Variants in TASL observed in about 807,000 individuals in gnomAD.
The protein encoded by TASL is TLR adapter interacting with SLC15A4 on the lysosome.
Under a neutral mutation model 12.9 loss-of-function variants are expected in TASL, and 6 were observed. The observed-to-expected ratio is 0.46, with a 90% CI of 0.25 to 0.92. The LOEUF (loss-of-function observed/expected upper bound fraction) is 0.92, where lower values mean the gene tolerates loss of function less well. TASL is among the 40% of genes least tolerant of loss of function. The pLI is 0.17. For synonymous variants in TASL, 85 were observed against 79.3 expected (o/e 1.07, Z -0.38); for missense variants, 165 against 212.8 (o/e 0.78, Z 1.40).
chrX:30,571,242 A>AAG lies in TASL; in HGVS notation c.-2+5509_-2+5510insCT, dbSNP rs1368147988. Among the ~76,000 whole-genome samples the AAG allele has an allele frequency of 6.6e-3, 518 of 78,731 alleles. 8 individuals carry two copies. Among genetic ancestry groups the AAG allele is most frequent in the Non-Finnish European group, 9.4e-3 (386 of 40,934 alleles). The allele number at this position is 78,731 out of a possible 115,157, so 68.4% of individuals were successfully genotyped here. ...AAGGAAAGAAGGAAGGAAGGAAGGA[A>AAG]AAAGAGAAAGAAAGAGAAAGAAAGA... On this transcript the variant is annotated intron_variant, in intron 2 of 2. Transcript: ENST00000378962.
chrX:30,573,566 A>G (rs1017369767), intron 2 of TASL, among the ~76,000 whole-genome samples: 3 of 111,871 alleles, frequency 2.7e-5, no homozygotes, highest in Non-Finnish European at 3.8e-5. Flanking sequence ...AAACCATGAC[A>G]CTGCTATAGC....
chrX:30,561,342 G>A (rs1039225553), intron 2 of TASL, among the ~76,000 whole-genome samples: 2 of 111,149 alleles, frequency 1.8e-5, no homozygotes, highest in African/African-American at 3.3e-5. Context: ...CCCCACATCT[G>A]CCTCCCCTCC....
chrX:30,567,510 T>G (rs1294462748), intron 2 of TASL, among the ~76,000 whole-genome samples: 1 of 111,705 alleles, frequency 9.0e-6, no homozygotes, highest in Non-Finnish European at 1.9e-5. Context: ...TATGGCAGAA[T>G]ATCATGTATA....
At chrX:30,571,366 C>A (rs1286673098) in intron 2 of TASL, among the ~76,000 whole-genome samples, 12 of 110,132 alleles carry the variant, frequency 1.1e-4, no homozygotes, top group Non-Finnish European at 1.9e-5. Context: ...CGCCTGTAAT[C>A]TCAACACTTT....
At chrX:30,571,634 A>AG (rs1930628071) in intron 2 of TASL, among the ~76,000 whole-genome samples, 1 of 101,565 alleles carries the variant, frequency 9.8e-6, no homozygotes, top group Admixed American at 1.1e-4. Context: ...TCTCAAAAAA[A>AG]AGGGGGGGGG....
At chrX:30,567,129 A>T (rs1311233174) in intron 2 of TASL, among the ~76,000 whole-genome samples, 1 of 110,495 alleles carries the variant, frequency 9.1e-6, no homozygotes, top group Non-Finnish European at 1.9e-5. Flanking sequence ...TCTCTACAAG[A>T]AATTCAAAAA....
At chrX:30,576,302 A>G (rs1930703750) in intron 2 of TASL, among the ~76,000 whole-genome samples, 1 of 111,636 alleles carries the variant, frequency 9.0e-6, no homozygotes, top group Non-Finnish European at 1.9e-5. Context: ...TAGGGGTGAC[A>G]TGTGTCCTAA....
chrX:30,575,070 A>G (rs1182944889), intron 2 of TASL, among the ~76,000 whole-genome samples: 1 of 111,691 alleles, frequency 9.0e-6, no homozygotes, highest in East Asian at 2.8e-4. Flanking sequence ...TTAAAATCAT[A>G]TGTAGGTCAT....
chrX:30,576,465 G>C (rs1409489827), intron 2 of TASL, among the ~76,000 whole-genome samples: 4 of 111,360 alleles, frequency 3.6e-5, no homozygotes, highest in Non-Finnish European at 7.5e-5. Context: ...GTGGCAAAAA[G>C]ATACCACTGA....
chrX:30,572,022 CATATAAAATATACAT>C (rs1467168230), intron 2 of TASL, among the ~76,000 whole-genome samples: 1 of 110,344 alleles, frequency 9.1e-6, no homozygotes, highest in African/African-American at 3.3e-5. Flanking sequence ...ATATATATTA[CATATAAAATATACAT>C]ATATAAAATG....
intron 2 of TASL, among the ~76,000 whole-genome samples, chrX:30,571,278 GAAAGAAAGAA>G (rs1569306113): frequency 1.3e-5 from 1 of 74,596 alleles, no homozygotes; most frequent in Non-Finnish European, 2.6e-5. Flanking sequence ...AAGAAAGAAA[GAAAGAAAGAA>G]AGAAAGAAAG....
chrX:30,570,301 A>C (rs756622727), intron 2 of TASL, among the ~76,000 whole-genome samples: 1 of 110,641 alleles, frequency 9.0e-6, no homozygotes, highest in African/African-American at 3.3e-5. Flanking sequence ...ACTAGTATTT[A>C]AGAGACCAGA....
intron 2 of TASL, among the ~76,000 whole-genome samples, chrX:30,573,443 G>A (rs761776801): frequency 8.0e-5 from 9 of 112,858 alleles, no homozygotes; most frequent in Middle Eastern, 4.6e-3. Context: ...CCCCAGAGGG[G>A]TGGCCCAGAT....
rs1930377320 is a variant in TASL at position 30,559,034 on chromosome X, C to G, written c.*416G>C. 1 of 116,177 alleles carries G rather than the reference C, an allele frequency of 8.6e-6. No homozygotes were observed. The highest frequency in any genetic ancestry group is 3.2e-5 in the African/African-American group (1 of 30,802). 9.6% of individuals were successfully genotyped at this position (116,177 alleles called of 1,213,427 possible). ...ATATTGGCCAGGCCGGTCTCGAATT[C>G]CTGACGTCAGGTAATCCACCCACAT... On this transcript the variant is annotated 3_prime_UTR_variant, in exon 3 of 3. Transcript: ENST00000378962.
At chrX:30,563,643 A>G (rs1279339003) in intron 2 of TASL, among the ~76,000 whole-genome samples, 1 of 112,129 alleles carries the variant, frequency 8.9e-6, no homozygotes, top group Non-Finnish European at 1.9e-5. Context: ...TGTAGTCTCT[A>G]AAGAGTGAAA....
At chrX:30,568,675 C>T (rs1930539031) in intron 2 of TASL, among the ~76,000 whole-genome samples, 1 of 111,101 alleles carries the variant, frequency 9.0e-6, no homozygotes, top group East Asian at 2.8e-4. Flanking sequence ...AAACAATCAA[C>T]CCTAACAGAG....
intron 2 of TASL, among the ~76,000 whole-genome samples, chrX:30,568,088 A>G (rs1930526680): frequency 9.0e-6 from 1 of 110,888 alleles, no homozygotes; most frequent in Admixed American, 9.6e-5. Flanking sequence ...AAATACATAA[A>G]TTAGCCGGGC....
At chrX:30,576,407 A>G (rs760776375) in intron 2 of TASL, among the ~76,000 whole-genome samples, 1 of 111,493 alleles carries the variant, frequency 9.0e-6, no homozygotes, top group Non-Finnish European at 1.9e-5. Flanking sequence ...GAGAGAGAGA[A>G]AAGGACAGGC....
intron 2 of TASL, among the ~76,000 whole-genome samples, chrX:30,567,418 GA>G (rs1277571521): frequency 8.9e-6 from 1 of 111,883 alleles, no homozygotes; most frequent in Non-Finnish European, 1.9e-5. Flanking sequence ...ATAAAGCACT[GA>G]AAATAGATCT....
Sources: allele counts gnomAD v4.1 joint callset (sites outside exome capture counted in the v4.1 genomes callset), GRCh38; gene constraint gnomAD v4.1.1; transcripts MANE v1.5; gene names NCBI Gene and HGNC (gene_info 2026-07-23, HGNC 2026-07-21).